TTC29: variants seen among roughly 807,000 people sequenced by gnomAD.
The protein encoded by TTC29 is tetratricopeptide repeat domain 29.
A neutral mutation model predicts 58.1 loss-of-function variants in TTC29; 49 were observed. The ratio of observed to expected loss-of-function variants is 0.84; its 90% confidence interval spans 0.67 to 1.07. TTC29 has a LOEUF of 1.07. Ranked by LOEUF, TTC29 falls within the 50% of genes least tolerant of loss-of-function variation. The probability of loss-of-function intolerance (pLI) is 0.00; values close to 1 mark genes in which losing one functional copy is unlikely to be tolerated. For synonymous variants in TTC29, 209 were observed against 196.8 expected (o/e 1.06, Z -0.52); for missense variants, 582 against 555.6 (o/e 1.05, Z -0.48).
intron 11 of TTC29, among the ~76,000 whole-genome samples, chr4:146,788,724 A>G (rs1749223284): frequency 6.6e-6 from 1 of 152,104 alleles, no homozygotes; most frequent in African/African-American, 2.4e-5. Flanking sequence ...AAGGTATGGA[A>G]AAATGATGCT....
At chr4:146,713,745 G>GT (rs754071032) in intron 11 of TTC29, among the ~76,000 whole-genome samples, 23 of 151,722 alleles carry the variant, frequency 1.5e-4, no homozygotes, top group East Asian at 1.4e-3. Flanking sequence ...AAAGTATAGG[G>GT]TTTTTTTTAA....
At chr4:146,737,794 G>A (rs1463362412) in intron 11 of TTC29, among the ~76,000 whole-genome samples, 1 of 152,182 alleles carries the variant, frequency 6.6e-6, no homozygotes. Flanking sequence ...AATGGGCAGA[G>A]ATATAGTTTT....
intron 11 of TTC29, among the ~76,000 whole-genome samples, chr4:146,779,355 A>G (rs1748395648): frequency 6.6e-6 from 1 of 152,178 alleles, no homozygotes; most frequent in South Asian, 2.1e-4. Context: ...GTATAATGTT[A>G]CCAATGTCTA....
chr4:146,794,432 C>T (rs1749687823), intron 11 of TTC29, among the ~76,000 whole-genome samples: 2 of 152,062 alleles, frequency 1.3e-5, no homozygotes, highest in African/African-American at 2.4e-5. Flanking sequence ...TTTATTTCCC[C>T]TTTTCCATAA....
intron 11 of TTC29, among the ~76,000 whole-genome samples, chr4:146,771,706 G>A (rs1314860978): frequency 6.6e-6 from 1 of 152,094 alleles, no homozygotes; most frequent in Non-Finnish European, 1.5e-5. Context: ...GTTGTGAATA[G>A]TGCTATGATG....
intron 11 of TTC29, among the ~76,000 whole-genome samples, chr4:146,787,452 G>C (rs934142267): frequency 3.3e-5 from 5 of 152,134 alleles, no homozygotes; most frequent in African/African-American, 1.2e-4. Flanking sequence ...CAAAATACTT[G>C]AGTTGTTCCC....
intron 6 of TTC29, 38 bp from the exon 7 acceptor site, chr4:146,874,966 G>C (rs1272573871): frequency 6.4e-7 from 1 of 1,554,426 alleles, no homozygotes; most frequent in Admixed American, 1.7e-5. Context: ...TAAACCAGAG[G>C]ACGGAACGTA....
intron 4 of TTC29, chr4:146,934,400 T>G (rs2150324187): frequency 1.3e-5 from 2 of 152,238 alleles, no homozygotes; most frequent in South Asian, 4.2e-4. Flanking sequence ...GGACGAATAT[T>G]GGGGATAAGA....
Position 146,820,179 on chromosome 4 carries a change from T to A in TTC29, c.1047A>T (p.Gln349His). 1 of 1,613,348 alleles carries A rather than the reference T, an allele frequency of 6.2e-7. No individual in the cohort carries two copies. The highest frequency in any genetic ancestry group is 1.3e-5 in the African/African-American group (1 of 75,044). Residue 349 changes from glutamine to histidine, a missense_variant, in exon 10 of 13, where the codon CAA (glutamine) becomes CAT (histidine). Gln to His is a conservative substitution (Grantham distance 24). Coordinates refer to ENST00000325106, the MANE Select transcript of TTC29 (RefSeq NM_031956.4). ...KFVKIARNNFQSLDLVRASTM... is the reference protein window; with the variant it reads ...KFVKIARNNFHSLDLVRASTM... ...TACTTGCTCTCACCAAATCTAGGCT[T>A]TGAAAATTGTTTCTTGCAATTTTCA...
rs535111842 is a variant in TTC29, at chr4:146,794,146, A to G, written c.1330+9311T>C. Among the ~76,000 whole-genome samples, 5 of 152,270 alleles carry G rather than the reference A, an allele frequency of 3.3e-5. No homozygotes were observed. In the South Asian group the frequency reaches 1.0e-3, roughly 32 times the overall value. ...TCACAATTCATCATACAAATCTTCAAAAGTGATTACAATTTAAAGCCCTGG... is the reference window on the plus strand; with the variant it reads ...TCACAATTCATCATACAAATCTTCAGAAGTGATTACAATTTAAAGCCCTGG... On this transcript the variant is annotated intron_variant, in intron 11 of 12. Coordinates refer to ENST00000325106, the MANE Select transcript of TTC29 (RefSeq NM_031956.4).
At chr4:146,847,985 C>T (rs1729282841) in intron 8 of TTC29, among the ~76,000 whole-genome samples, 1 of 152,160 alleles carries the variant, frequency 6.6e-6, no homozygotes, top group African/African-American at 2.4e-5. Flanking sequence ...CTGTGGATAC[C>T]TTTTCCTCCC....
At chr4:146,719,451 T>G (rs1246789781) in intron 11 of TTC29, among the ~76,000 whole-genome samples, 4 of 152,176 alleles carry the variant, frequency 2.6e-5, no homozygotes, top group Non-Finnish European at 4.4e-5. Flanking sequence ...TCATAGCTTC[T>G]GTGCTCATTC....
intron 10 of TTC29, among the ~76,000 whole-genome samples, chr4:146,806,008 G>A (rs1484733454): frequency 6.6e-6 from 1 of 152,176 alleles, no homozygotes; most frequent in Non-Finnish European, 1.5e-5. Flanking sequence ...CCCACAAAGG[G>A]AAGCCCATCA....
chr4:146,881,137 G>A (rs1256016897), intron 6 of TTC29, among the ~76,000 whole-genome samples: 2 of 152,086 alleles, frequency 1.3e-5, no homozygotes, highest in Non-Finnish European at 2.9e-5. Flanking sequence ...ATGGCTGCTG[G>A]TATTGTTCAG....
chr4:146,841,465 C>T (rs964797092), intron 8 of TTC29, among the ~76,000 whole-genome samples: 3 of 151,364 alleles, frequency 2.0e-5, no homozygotes, highest in African/African-American at 7.3e-5. Context: ...AACAAACAAG[C>T]AAAAAAAACA....
At chr4:146,727,106 T>C (rs914227175) in intron 11 of TTC29, among the ~76,000 whole-genome samples, 2 of 151,336 alleles carry the variant, frequency 1.3e-5, no homozygotes, top group African/African-American at 4.8e-5. Flanking sequence ...TATAAATTTG[T>C]GTTTTATATT....
intron 9 of TTC29, among the ~76,000 whole-genome samples, chr4:146,823,727 C>T (rs1751993714): frequency 2.0e-5 from 3 of 152,156 alleles, no homozygotes; most frequent in African/African-American, 4.8e-5. Context: ...TTCTTCCTAT[C>T]CATGGGGATG....
At chr4:146,753,051 G>A (rs1461446728) in intron 11 of TTC29, among the ~76,000 whole-genome samples, 1 of 152,184 alleles carries the variant, frequency 6.6e-6, no homozygotes, top group Non-Finnish European at 1.5e-5. Flanking sequence ...ATTGACAAAT[G>A]GGATCTAATT....
chr4:146,775,393 C>G (rs898914296), intron 11 of TTC29, among the ~76,000 whole-genome samples: 1 of 152,072 alleles, frequency 6.6e-6, no homozygotes, highest in Non-Finnish European at 1.5e-5. Flanking sequence ...ACAATCTTTT[C>G]TTTCCATATT....
Sources: gnomAD v4.1 joint callset for allele counts (sites outside exome capture counted in the v4.1 genomes callset) on GRCh38, gnomAD v4.1.1 for gene constraint, MANE v1.5 for transcripts, NCBI Gene and HGNC (gene_info 2026-07-23, HGNC 2026-07-21) for gene names.